MGLL: variants seen among roughly 807,000 people sequenced by gnomAD.
MGLL encodes monoglyceride lipase, also known as lysophospholipase homolog.
MGLL carries 7 observed loss-of-function variants against 29.1 expected under a neutral mutation model. That is an observed-to-expected ratio of 0.24 (90% CI 0.14 to 0.45). The LOEUF (loss-of-function observed/expected upper bound fraction) is 0.45, where lower values mean the gene tolerates loss of function less well. Among genes scored for constraint, MGLL ranks in the 20% least tolerant of loss-of-function variants. MGLL has a pLI of 0.99. For synonymous variants in MGLL, 148 were observed against 168.3 expected, an observed-to-expected ratio of 0.88 and a Z score of 0.93; for missense variants, 356 against 413.6, an observed-to-expected ratio of 0.86 and a Z score of 1.21.
chr3:127,782,049 C>T (rs866440459), intron 2 of MGLL, among the ~76,000 whole-genome samples, 154 bp from the exon 3 acceptor site: 20 of 152,180 alleles, frequency 1.3e-4, no homozygotes, highest in Middle Eastern at 3.4e-3. Context: ...AGTGAAACCC[C>T]ACCTCTACTG....
chr3:127,804,556 T>G (rs951861132), intron 2 of MGLL, among the ~76,000 whole-genome samples: 10 of 152,318 alleles, frequency 6.6e-5, no homozygotes, highest in Middle Eastern at 3.4e-3. Flanking sequence ...TAGGGTGCTT[T>G]CCAACTCCTC....
chr3:127,790,832 A>T (rs2077287464), intron 2 of MGLL, among the ~76,000 whole-genome samples: 1 of 152,046 alleles, frequency 6.6e-6, no homozygotes, highest in Non-Finnish European at 1.5e-5. Flanking sequence ...CAGCCTGCCC[A>T]CTTCCTGGGG....
chr3:127,705,093 C>A (rs1219497064), intron 6 of MGLL, among the ~76,000 whole-genome samples: 1 of 152,126 alleles, frequency 6.6e-6, no homozygotes, highest in Non-Finnish European at 1.5e-5. Flanking sequence ...AAGCTGGAAG[C>A]CATTATCCTC....
At chr3:127,701,215 C>CAAAAAAAAAAAAAAAAA (rs60128956) in intron 6 of MGLL, among the ~76,000 whole-genome samples, 2 of 56,434 alleles carry the variant, frequency 3.5e-5, no homozygotes, top group South Asian at 8.3e-4. Flanking sequence ...ACCCTGCCTC[C>CAAAAAAAAAAAAAAAAA]AAAAAAAAAA....
In MGLL at chr3:127,762,731, C is replaced by T. The variant is rs150359272; in HGVS notation, c.262+19058G>A. 2.6e-5 allele frequency among the ~76,000 whole-genome samples: 4 copies of T among 152,360 alleles called. No homozygotes were observed. The East Asian group carries it at 7.7e-4, about 29-fold the overall frequency. On this transcript the variant is annotated intron_variant, in intron 3 of 7. Coordinates refer to ENST00000265052, the MANE Select transcript of MGLL (RefSeq NM_007283.7). Reference sequence around the variant, plus strand: ...CAAATGAGAGCAGTTCTGGTCATTACTGCAGCTTCAGTTATGAGTATGCAC... The same window carrying T: ...CAAATGAGAGCAGTTCTGGTCATTATTGCAGCTTCAGTTATGAGTATGCAC...
chr3:127,766,385 A>G (rs1412696821), intron 3 of MGLL, among the ~76,000 whole-genome samples: 1 of 152,186 alleles, frequency 6.6e-6, no homozygotes, highest in Non-Finnish European at 1.5e-5. Flanking sequence ...TCTAATTTTA[A>G]CTATGTAGAC....
intron 3 of MGLL, among the ~76,000 whole-genome samples, chr3:127,745,572 T>C (rs1192576687): frequency 1.3e-5 from 2 of 152,090 alleles, no homozygotes; most frequent in African/African-American, 4.8e-5. Flanking sequence ...GATTGAGAGA[T>C]GACTTATGGG....
At chr3:127,747,247 A>C (rs2076465089) in intron 3 of MGLL, among the ~76,000 whole-genome samples, 1 of 151,956 alleles carries the variant, frequency 6.6e-6, no homozygotes. Context: ...CCACTCACCC[A>C]TCCTTGCACT....
intron 3 of MGLL, among the ~76,000 whole-genome samples, chr3:127,725,797 G>A (rs1425333388): frequency 6.6e-6 from 1 of 152,164 alleles, no homozygotes; most frequent in African/African-American, 2.4e-5. Flanking sequence ...TGGGCAAGGT[G>A]GCTCACATCT....
chr3:127,815,278 C>T (rs2077734218), intron 2 of MGLL, among the ~76,000 whole-genome samples: 1 of 152,190 alleles, frequency 6.6e-6, no homozygotes, highest in Non-Finnish European at 1.5e-5. Flanking sequence ...ATCCTCCTTG[C>T]CACACAGCAG....
At chr3:127,803,530 T>TAC (rs1259843718) in intron 2 of MGLL, among the ~76,000 whole-genome samples, 1 of 152,206 alleles carries the variant, frequency 6.6e-6, no homozygotes, top group Admixed American at 6.5e-5. Flanking sequence ...AGGGGAACAG[T>TAC]ACACTCATTT....
chr3:127,709,980 G>A (rs1240193786), intron 6 of MGLL, among the ~76,000 whole-genome samples: 2 of 152,198 alleles, frequency 1.3e-5, no homozygotes, highest in Non-Finnish European at 2.9e-5. Flanking sequence ...ACTCTCAGTG[G>A]GTGGGGATGA....
At chr3:127,801,140 A>G (rs1444357148) in intron 2 of MGLL, among the ~76,000 whole-genome samples, 4 of 151,986 alleles carry the variant, frequency 2.6e-5, no homozygotes, top group African/African-American at 7.2e-5. Flanking sequence ...CATCTCTAGT[A>G]AAAATACAAA....
chr3:127,822,315 C>A lies in MGLL; in HGVS notation c.4G>T (p.Glu2Ter), dbSNP rs748010731. The A allele has an allele frequency of 6.2e-7, 1 of 1,613,710 alleles. No individual in the cohort carries two copies. The highest frequency in any genetic ancestry group is 8.5e-7 in the Non-Finnish European group (1 of 1,179,580). The change falls in exon 1 of 8, where the codon GAA becomes TAA. Residue 2 changes from glutamate to a stop codon, truncating the protein, a stop_gained. Transcript: ENST00000265052. LOFTEE classifies it high-confidence loss of function. ...CCAAGGATACATGACAAACCTGTTT[C>A]CATTATGTGCTGGCGTTTGCATTCC... M[E>*]TGPEDPSSMP...
At chr3:127,698,532 G>A (rs762920656) in intron 6 of MGLL, among the ~76,000 whole-genome samples, 6 of 152,110 alleles carry the variant, frequency 3.9e-5, no homozygotes, top group African/African-American at 1.2e-4. Context: ...TGTTCTTCAC[G>A]TGACAAAACT....
Position 127,761,545 on chromosome 3 carries a change from A to G in MGLL, c.262+20244T>C, listed in dbSNP as rs1441601459. 6.6e-6 allele frequency among the ~76,000 whole-genome samples: 1 copy of G among 152,240 alleles called. No individual in the cohort carries two copies. The highest frequency in any genetic ancestry group is 1.9e-4 in the East Asian group (1 of 5,194). On this transcript the variant is annotated intron_variant, in intron 3 of 7. Transcript: ENST00000265052. The surrounding 1 kb of genome is among the most constrained non-coding windows in gnomAD (Gnocchi z 4.6). ...ACCAGAGACTGCAAACTGCCCTTCA[A>G]GCTGCATTTCAAGTGCCTTCTGTGT...
At chr3:127,815,458 T>A (rs1213172154) in intron 2 of MGLL, among the ~76,000 whole-genome samples, 1 of 152,262 alleles carries the variant, frequency 6.6e-6, no homozygotes, top group Non-Finnish European at 1.5e-5. Context: ...ACAGTCCATG[T>A]TCATCTCTCC....
rs190183132 is a variant in MGLL, at chr3:127,793,759, A to T, written c.156-11864T>A. Among the ~76,000 whole-genome samples, 350 of 152,088 alleles carry T rather than the reference A, an allele frequency of 2.3e-3. 7 individuals carry two copies. The highest frequency in any genetic ancestry group is 8.1e-3 in the African/African-American group (335 of 41,492). ...GTATTTTTAGTACAGACGGGGTTTCACCATGTTGGCCAGGCTGGTCTCAAC... is the reference window on the plus strand; with the variant it reads ...GTATTTTTAGTACAGACGGGGTTTCTCCATGTTGGCCAGGCTGGTCTCAAC... On this transcript the variant is annotated intron_variant, in intron 2 of 7. Coordinates refer to ENST00000265052, the MANE Select transcript of MGLL (RefSeq NM_007283.7).
intron 6 of MGLL, among the ~76,000 whole-genome samples, chr3:127,697,580 T>C (rs562712202): frequency 6.6e-6 from 1 of 152,206 alleles, no homozygotes; most frequent in African/African-American, 2.4e-5. Context: ...CTGCTCAGAA[T>C]AGAGACTACA....
Sources: gnomAD v4.1 joint callset for allele counts (sites outside exome capture counted in the v4.1 genomes callset) on GRCh38, gnomAD v4.1.1 for gene constraint, Gnocchi (gnomAD v3.1) non-coding constraint, MANE v1.5 for transcripts, NCBI Gene and HGNC (gene_info 2026-07-23, HGNC 2026-07-21) for gene names.